The following NFRKB variants were observed in gnomAD, a reference collection of about 807,000 sequenced individuals.
NFRKB encodes the protein nuclear factor related to kappa-B-binding protein.
NFRKB carries 62 observed loss-of-function variants against 135.7 expected under a neutral mutation model. That is an observed-to-expected ratio of 0.46 (90% CI 0.37 to 0.56). The LOEUF (loss-of-function observed/expected upper bound fraction) is 0.56. Ranked by LOEUF, NFRKB falls within the 20% of genes least tolerant of loss-of-function variation. NFRKB has a pLI of 0.00. For synonymous variants in NFRKB, 678 were observed against 635.6 expected, an observed-to-expected ratio of 1.07 and a Z score of -1.00; for missense variants, 1,545 against 1,662.0, an observed-to-expected ratio of 0.93 and a Z score of 1.22.
chr11:129,866,671 C>A (rs1359760222), intron 24 of NFRKB, among the ~76,000 whole-genome samples: 6 of 152,168 alleles, frequency 3.9e-5, no homozygotes. Context: ...GTCTTTGGGA[C>A]TTCAGGATGG....
rs968079104 is a variant in NFRKB at position 129,888,875 on chromosome 11, T to C, written c.136-80A>G. On this transcript the variant is annotated intron_variant, in intron 3 of 26. Transcript: ENST00000682444. ...ATGTATGCGTATACAAAACATTACA[T>C]AATATACATAAGATTTACCAATTTA... The C allele has an allele frequency of 4.6e-5, 46 of 994,868 alleles. No homozygotes were observed. In the South Asian group the frequency reaches 5.9e-4, roughly 13 times the overall value. The allele number at this position is 994,868 out of a possible 1,614,324, so 61.6% of individuals were successfully genotyped here. A position where few individuals can be genotyped will look rare whatever the true frequency, so the allele number is the denominator to read the frequency against.
intron 4 of NFRKB, 28 bp downstream of exon 4, chr11:129,888,566 C>T (rs1565423069): frequency 1.1e-5 from 18 of 1,610,384 alleles, no homozygotes; most frequent in Non-Finnish European, 1.4e-5. Flanking sequence ...CACCACCCCC[C>T]TCAAAGAAAG....
chr11:129,887,881 C>CA (rs1949354182), intron 4 of NFRKB, among the ~76,000 whole-genome samples: 3 of 152,090 alleles, frequency 2.0e-5, no homozygotes, highest in African/African-American at 4.8e-5. Flanking sequence ...ACTAAAAACA[C>CA]AAAAAATTAG....
Position 129,869,749 on chromosome 11 carries a change from C to G in NFRKB, c.3276G>C (p.Gln1092His), listed in dbSNP as rs1250905942. Residue 1092 changes from glutamine (Q) to histidine (H), a missense_variant, in exon 24 of 27, where the codon CAG becomes CAC. Transcript: ENST00000682444. ...AKPAATIRIV[Q>H]GLGVMPPKAG... ...CTTTGGGAGGCATCACTCCCAGTCC[C>G]TGCACGATGCGGATCGTGGCAGCTG... The G allele has an allele frequency of 6.2e-7, 1 of 1,614,238 alleles. No individual in the cohort carries two copies. The highest frequency in any genetic ancestry group is 1.3e-5 in the African/African-American group (1 of 75,058).
At chr11:129,882,378 C>G in intron 10 of NFRKB, 73 bp downstream of exon 10, 1 of 1,533,140 alleles carries the variant, frequency 6.5e-7, no homozygotes, top group Admixed American at 2.0e-5. Context: ...TACGACAAGC[C>G]CTAGGGGCCA....
Position 129,888,580 on chromosome 11 carries a change from A to G in NFRKB, c.337+14T>C. The G allele has an allele frequency of 6.2e-7, 1 of 1,613,708 alleles. No individual in the cohort carries two copies. The highest frequency in any genetic ancestry group is 2.2e-5 in the East Asian group (1 of 44,880). Reference sequence around the variant, plus strand: ...CCACCACCCCCCTCAAAGAAAGAATACTGAGCTACAAACCTCGGAAAAGCT... The same window carrying G: ...CCACCACCCCCCTCAAAGAAAGAATGCTGAGCTACAAACCTCGGAAAAGCT... On this transcript the variant is annotated intron_variant, in intron 4 of 26. Coordinates refer to ENST00000682444, the MANE Select transcript of NFRKB (RefSeq NM_001143835.2).
chr11:129,866,311 C>T (rs547106287), intron 24 of NFRKB, among the ~76,000 whole-genome samples: 1 of 152,238 alleles, frequency 6.6e-6, no homozygotes, highest in South Asian at 2.1e-4. Flanking sequence ...GTCCAAGATT[C>T]TGAGTTCCTT....
intron 24 of NFRKB, among the ~76,000 whole-genome samples, chr11:129,867,204 G>A (rs967052953): frequency 6.6e-6 from 1 of 152,050 alleles, no homozygotes; most frequent in African/African-American, 2.4e-5. Flanking sequence ...TAACAGGACA[G>A]ATGACACTTG....
intron 12 of NFRKB, 90 bp downstream of exon 12, chr11:129,881,637 T>C (rs1257830969): frequency 1.5e-5 from 23 of 1,586,158 alleles, no homozygotes; most frequent in Non-Finnish European, 2.0e-5. Context: ...AAAGGCATGA[T>C]GGATTACACG....
chr11:129,864,508 A>G lies in NFRKB; in HGVS notation c.*217T>C. 1 of 565,842 alleles carries G rather than the reference A, an allele frequency of 1.8e-6. No homozygotes were observed. Among genetic ancestry groups the G allele is most frequent in the Non-Finnish European group, 3.1e-6 (1 of 320,218 alleles). 35.1% of individuals were successfully genotyped at this position (565,842 alleles called of 1,614,324 possible). ...AGAATATTCTCCTAGATTGGTAGAG[A>G]GCAGACCTTGGAACCCTGGAGTGAA... On this transcript the variant is annotated 3_prime_UTR_variant, in exon 27 of 27. Coordinates refer to ENST00000682444, the MANE Select transcript of NFRKB (RefSeq NM_001143835.2).
intron 4 of NFRKB, among the ~76,000 whole-genome samples, chr11:129,886,940 T>A (rs1207845838): frequency 1.3e-5 from 2 of 152,220 alleles, no homozygotes; most frequent in Non-Finnish European, 2.9e-5. Flanking sequence ...AGAGGGGAAT[T>A]CCTTTTTACA....
At chr11:129,877,815 T>C (rs1404492941) in intron 15 of NFRKB, among the ~76,000 whole-genome samples, 1 of 152,126 alleles carries the variant, frequency 6.6e-6, no homozygotes, top group Non-Finnish European at 1.5e-5. Context: ...TCTGCCACAC[T>C]TAGACCGGGC....
rs750590303 is a variant in NFRKB at position 129,876,912 on chromosome 11, G to T, written c.1573-17C>A. 4 of 1,610,674 alleles carry T rather than the reference G, an allele frequency of 2.5e-6. No individual in the cohort carries two copies. Among genetic ancestry groups the T allele is most frequent in the South Asian group, 2.2e-5 (2 of 90,658 alleles). On this transcript the variant is annotated splice_polypyrimidine_tract_variant and intron_variant, in intron 16 of 26. Transcript: ENST00000682444. ...GTAACGCTCCTACCAAGAGACAAGGGACAAGAGTTCTAGGTCAGAATTAGT... is the reference window on the plus strand; with the variant it reads ...GTAACGCTCCTACCAAGAGACAAGGTACAAGAGTTCTAGGTCAGAATTAGT...
chr11:129,888,223 A>AACAC (rs143981235), intron 4 of NFRKB: 26 of 520,958 alleles, frequency 5.0e-5, no homozygotes, highest in South Asian at 7.3e-5. Flanking sequence ...TGTGTACCTA[A>AACAC]ACACACACAC....
chr11:129,867,977 C>T (rs1283341908), intron 24 of NFRKB, among the ~76,000 whole-genome samples: 1 of 151,664 alleles, frequency 6.6e-6, no homozygotes, highest in African/African-American at 2.4e-5. Flanking sequence ...ATCCTATTCA[C>T]AAAAATATAT....
At position 129,864,433 on chromosome 11, in the gene NFRKB, C is replaced by CGTAACTGGACCCTGGGGG. The variant is rs1948094473; in HGVS notation, c.*291_*292insCCCCCAGGGTCCAGTTAC. 7 of 355,564 alleles carry CGTAACTGGACCCTGGGGG rather than the reference C, an allele frequency of 2.0e-5. No individual in the cohort carries two copies. Among genetic ancestry groups the CGTAACTGGACCCTGGGGG allele is most frequent in the Admixed American group, 1.6e-4 (4 of 25,058 alleles). 22.0% of individuals were successfully genotyped at this position (355,564 alleles called of 1,614,324 possible). ...GTAAGCCTTCCCTGGGGGTCTTACT[C>CGTAACTGGACCCTGGGGG]TCAGAACTCTGGCTTGTTGGACGTA... On this transcript the variant is annotated 3_prime_UTR_variant, in exon 27 of 27. Transcript: ENST00000682444.
Position 129,874,942 on chromosome 11 carries a change from G to A in NFRKB, c.1855-26C>T. 1 of 1,613,350 alleles carries A rather than the reference G, an allele frequency of 6.2e-7. No homozygotes were observed. Among genetic ancestry groups the A allele is most frequent in the Non-Finnish European group, 8.5e-7 (1 of 1,179,468 alleles). On this transcript the variant is annotated intron_variant, in intron 18 of 26. Transcript: ENST00000682444. The surrounding 1 kb of genome is among the most constrained non-coding windows in gnomAD (Gnocchi z 4.5). Reference sequence around the variant, plus strand: ...CTACAAATCAGACAAAGGGAAATAAGAAACAAGTCAAGCTTAGATAACAGA... The same window carrying A: ...CTACAAATCAGACAAAGGGAAATAAAAAACAAGTCAAGCTTAGATAACAGA...
Position 129,877,376 on chromosome 11 carries a change from G to A in NFRKB, c.1521C>T (p.Asp507=), listed in dbSNP as rs1201013712. The A allele has an allele frequency of 6.2e-7, 1 of 1,614,152 alleles. No individual in the cohort carries two copies. Among genetic ancestry groups the A allele is most frequent in the Admixed American group, 1.7e-5 (1 of 60,024 alleles). The change falls in exon 16 of 27, where the codon GAC becomes GAT. Residue 507 remains aspartate (D), a synonymous_variant. Coordinates refer to ENST00000682444, the MANE Select transcript of NFRKB (RefSeq NM_001143835.2). ...ATTPVPRVRT[D]YVVRPSTGEE... Reference sequence around the variant, plus strand: ...CCCCCGTGCTGGGACGCACCACATAGTCAGTTCTTCTGGAATATAAAGAAT... The same window carrying A: ...CCCCCGTGCTGGGACGCACCACATAATCAGTTCTTCTGGAATATAAAGAAT...
intron 3 of NFRKB, 55 bp from the exon 4 acceptor site, chr11:129,888,850 ATG>A: frequency 7.7e-7 from 1 of 1,296,012 alleles, no homozygotes; most frequent in South Asian, 1.3e-5. Context: ...AGTTTTTTGT[ATG>A]TATGCGTATA....
Sources: gnomAD v4.1 joint callset for allele counts (sites outside exome capture counted in the v4.1 genomes callset) on GRCh38, gnomAD v4.1.1 for gene constraint, Gnocchi (gnomAD v3.1) non-coding constraint, MANE v1.5 for transcripts, NCBI Gene and HGNC (gene_info 2026-07-23, HGNC 2026-07-21) for gene names.